ZNF540: variants seen among roughly 807,000 people sequenced by gnomAD.
ZNF540 encodes the protein CTD-3064H18.6.
Under a neutral mutation model 11.8 loss-of-function variants are expected in ZNF540, and 3 were observed. The observed-to-expected ratio is 0.25, with a 90% CI of 0.12 to 0.65. ZNF540 has a LOEUF of 0.65. Among genes scored for constraint, ZNF540 ranks in the 30% least tolerant of loss-of-function variants. The pLI is 0.83. For missense variants in ZNF540, 709 were observed against 793.1 expected, an observed-to-expected ratio of 0.89 and a Z score of 1.27; for synonymous variants, 247 against 259.0, an observed-to-expected ratio of 0.95 and a Z score of 0.45.
At chr19:37,586,054 C>A (rs117086839) in intron 1 of ZNF540, 3,907 of 152,306 alleles carry the variant, frequency 0.026, 68 homozygotes, top group Middle Eastern at 0.051. Flanking sequence ...ATGATATTAG[C>A]CCTTTCAGAC....
Position 37,610,222 on chromosome 19 carries a change from T to C in ZNF540, c.233-1291T>C, listed in dbSNP as rs537345194. On this transcript the variant is annotated intron_variant, in intron 4 of 4. Coordinates refer to ENST00000316433, the MANE Select transcript of ZNF540 (RefSeq NM_001172225.3). ...TGATTGTCCTGATATTCAGCTGTCC[T>C]ATACATGACTTATCTGTCATTCATC... 5.3e-5 allele frequency among the ~76,000 whole-genome samples: 8 copies of C among 152,366 alleles called. No individual in the cohort carries two copies. In the East Asian group the frequency reaches 1.5e-3, roughly 29 times the overall value.
upstream of ZNF540, among the ~76,000 whole-genome samples, chr19:37,590,366 A>G (rs2043831963): frequency 6.6e-6 from 1 of 152,098 alleles, no homozygotes; most frequent in African/African-American, 2.4e-5. Context: ...GCAGTGAGCC[A>G]AGATCTCGCC....
chr19:37,561,885 G>A (rs898289042), intron 1 of ZNF540, among the ~76,000 whole-genome samples: 5 of 152,200 alleles, frequency 3.3e-5, no homozygotes, highest in Non-Finnish European at 4.4e-5. Flanking sequence ...TGAACAAAAT[G>A]TACTTTAGAG....
At chr19:37,592,637 A>T (rs1230396742), upstream of ZNF540, among the ~76,000 whole-genome samples, 1 of 152,272 alleles carries the variant, frequency 6.6e-6, no homozygotes, top group African/African-American at 2.4e-5. Context: ...AAAGTGGGAC[A>T]TCAGACTGTA....
At chr19:37,557,559 T>C (rs970447576) in intron 1 of ZNF540, among the ~76,000 whole-genome samples, 5 of 152,212 alleles carry the variant, frequency 3.3e-5, no homozygotes, top group African/African-American at 1.2e-4. Context: ...CGGCCTTTCG[T>C]ACTCCCTGCT....
chr19:37,564,740 C>T, intron 1 of ZNF540: 2 of 1,613,638 alleles, frequency 1.2e-6, no homozygotes, highest in Non-Finnish European at 1.7e-6. Context: ...GGCCCTCCCA[C>T]ATTCCTTACA....
At chr19:37,604,528 C>T (rs2044067791) in intron 4 of ZNF540, among the ~76,000 whole-genome samples, 1 of 151,630 alleles carries the variant, frequency 6.6e-6, no homozygotes, top group Admixed American at 6.6e-5. Flanking sequence ...AGGATGGTCT[C>T]GATCTCCTGA....
At chr19:37,603,287 C>T (rs1239413959) in intron 4 of ZNF540, among the ~76,000 whole-genome samples, 1 of 151,956 alleles carries the variant, frequency 6.6e-6, no homozygotes, top group East Asian at 1.9e-4. Context: ...GCGTGAGCCA[C>T]CATGCCTGGC....
At chr19:37,574,075 C>T (rs1413552451) in intron 1 of ZNF540, among the ~76,000 whole-genome samples, 1 of 152,114 alleles carries the variant, frequency 6.6e-6, no homozygotes, top group African/African-American at 2.4e-5. Context: ...GCTCTGGATC[C>T]ATTATTCGTA....
intron 4 of ZNF540, among the ~76,000 whole-genome samples, chr19:37,605,605 G>A (rs972810800): frequency 6.6e-6 from 1 of 152,050 alleles, no homozygotes; most frequent in Non-Finnish European, 1.5e-5. Context: ...CCAAGATCAC[G>A]CCACTGCACT....
At chr19:37,555,949 C>G (rs1336065204) in intron 1 of ZNF540, 2 of 700,932 alleles carry the variant, frequency 2.9e-6, no homozygotes, top group Non-Finnish European at 5.2e-6. Context: ...CATGTCCAAT[C>G]AGGGCAGAAA....
At chr19:37,554,487 C>T (rs1410387294) in intron 1 of ZNF540, among the ~76,000 whole-genome samples, 2 of 152,110 alleles carry the variant, frequency 1.3e-5, no homozygotes, top group African/African-American at 4.8e-5. Context: ...CTTTTGTCCC[C>T]ATGTATGTAT....
chr19:37,556,303 AAAAC>A (rs921185279), intron 1 of ZNF540: 1 of 596,966 alleles, frequency 1.7e-6, no homozygotes, highest in South Asian at 2.0e-5. Context: ...ATAACAGGCA[AAAAC>A]AAACAAGTGA....
intron 1 of ZNF540, chr19:37,563,852 G>GTA (rs1302245236): frequency 9.6e-6 from 1 of 104,354 alleles, no homozygotes; most frequent in Non-Finnish European, 2.0e-5. Flanking sequence ...TGGAATATAT[G>GTA]TATATATATG....
Position 37,612,441 on chromosome 19 carries a change from G to A in ZNF540, c.1161G>A (p.Glu387=). The A allele has an allele frequency of 6.2e-7, 1 of 1,614,044 alleles. No individual in the cohort carries two copies. Among genetic ancestry groups the A allele is most frequent in the Non-Finnish European group, 8.5e-7 (1 of 1,180,004 alleles). ...HAGKKPYECK[E]CGKSFNVRGQ... ...GTAAGAAACCTTATGAATGTAAGGA[G>A]TGTGGGAAATCATTTAATGTGCGTG... Residue 387 remains glutamate (E), a synonymous_variant, in exon 5 of 5, where the codon GAG becomes GAA. Coordinates refer to ENST00000316433, the MANE Select transcript of ZNF540 (RefSeq NM_001172225.3).
At chr19:37,599,843 A>G (rs1385335482) in intron 3 of ZNF540, 91 bp downstream of exon 3, 1 of 1,382,688 alleles carries the variant, frequency 7.2e-7, no homozygotes, top group Non-Finnish European at 9.7e-7. Flanking sequence ...TTAAGAAACT[A>G]GCTGAATTTC....
intron 1 of ZNF540, among the ~76,000 whole-genome samples, chr19:37,581,505 G>A (rs1453420018): frequency 3.5e-5 from 5 of 141,130 alleles, no homozygotes; most frequent in South Asian, 2.2e-4. Context: ...TTGCTCTGTC[G>A]CCCAGGCTGA....
intron 4 of ZNF540, chr19:37,611,062 C>A (rs1044872779): frequency 6.6e-6 from 1 of 151,346 alleles, no homozygotes; most frequent in African/African-American, 2.4e-5. Flanking sequence ...GCTCTTGTAG[C>A]CCAGGCTGGA....
intron 1 of ZNF540, among the ~76,000 whole-genome samples, chr19:37,559,019 T>C (rs2042690291): frequency 6.6e-6 from 1 of 152,158 alleles, no homozygotes; most frequent in African/African-American, 2.4e-5. Context: ...AACTTTTGTA[T>C]TGTTTATAGA....
Sources: gnomAD v4.1 joint callset for allele counts (sites outside exome capture counted in the v4.1 genomes callset) on GRCh38, gnomAD v4.1.1 for gene constraint, MANE v1.5 for transcripts, NCBI Gene and HGNC (gene_info 2026-07-23, HGNC 2026-07-21) for gene names.